The following VEPH1 variants were observed in gnomAD, a reference collection of about 807,000 sequenced individuals.
VEPH1 encodes the protein ventricular zone expressed PH domain containing 1, also known as ventricular zone-expressed PH domain-containing protein homolog 1.
In VEPH1, 80 loss-of-function variants were observed where a neutral mutation model predicts 85.2. The ratio of observed to expected loss-of-function variants is 0.94; its 90% confidence interval spans 0.78 to 1.13. VEPH1 has a LOEUF of 1.13. Among genes scored for constraint, VEPH1 ranks in the 50% most tolerant of loss-of-function variants. The pLI is 0.00. For missense variants in VEPH1, 955 were observed against 980.5 expected, an observed-to-expected ratio of 0.97 and a Z score of 0.35; for synonymous variants, 297 against 348.0, an observed-to-expected ratio of 0.85 and a Z score of 1.63.
intron 4 of VEPH1, chr3:157,442,442 G>A: frequency 6.2e-7 from 1 of 1,614,182 alleles, no homozygotes; most frequent in African/African-American, 1.3e-5. Flanking sequence ...GACCAATGAG[G>A]CTTGAGTCTT....
Position 157,442,702 on chromosome 3 carries a change from C to T in VEPH1, c.530-14214G>A, listed in dbSNP as rs35415718. 9,890 of 1,614,118 alleles carry T rather than the reference C, an allele frequency of 6.1e-3. 504 individuals carry two copies. In the African/African-American group the frequency reaches 0.11, roughly 18 times the overall value. ...TCCTTGTGGGTAAATGGTGAACTGG[C>T]GGCTACCACTGTTGAGATGGCCACA... On this transcript the variant is annotated intron_variant, in intron 4 of 13. Transcript: ENST00000362010.
At chr3:157,316,993 A>G (rs1720819344) in intron 10 of VEPH1, 69 bp downstream of exon 10, 2 of 1,489,020 alleles carry the variant, frequency 1.3e-6, no homozygotes, top group East Asian at 2.3e-5. Flanking sequence ...GAATAATTCA[A>G]TAAAAATGAT....
At chr3:157,496,694 G>C (rs1045151916) in intron 1 of VEPH1, among the ~76,000 whole-genome samples, 2 of 152,210 alleles carry the variant, frequency 1.3e-5, no homozygotes, top group Non-Finnish European at 2.9e-5. Flanking sequence ...AGCTATTGTT[G>C]TGAGAGCACC....
chr3:157,338,784 C>T (rs1723217562), intron 9 of VEPH1, among the ~76,000 whole-genome samples: 1 of 152,184 alleles, frequency 6.6e-6, no homozygotes, highest in Non-Finnish European at 1.5e-5. Flanking sequence ...GATTGTGATT[C>T]AGTCACAAGC....
At chr3:157,427,959 A>T (rs1732871261) in intron 5 of VEPH1, among the ~76,000 whole-genome samples, 2 of 152,180 alleles carry the variant, frequency 1.3e-5, no homozygotes, top group African/African-American at 4.8e-5. Flanking sequence ...AAAAAGGTGG[A>T]GGAAGGGAGA....
intron 1 of VEPH1, among the ~76,000 whole-genome samples, chr3:157,498,946 C>T (rs1225862865): frequency 6.6e-6 from 1 of 152,190 alleles, no homozygotes; most frequent in Admixed American, 6.5e-5. Flanking sequence ...ACTCAAAATA[C>T]TTTCTACACA....
chr3:157,427,312 G>T (rs932216590), intron 5 of VEPH1, among the ~76,000 whole-genome samples: 1 of 151,984 alleles, frequency 6.6e-6, no homozygotes, highest in African/African-American at 2.4e-5. Context: ...TAGAGACAGG[G>T]TTTCACCATC....
At chr3:157,437,190 A>G in intron 4 of VEPH1, 1 of 1,286,052 alleles carries the variant, frequency 7.8e-7, no homozygotes, top group South Asian at 1.3e-5. Flanking sequence ...TGCAAAAGTG[A>G]GAAGCACTTG....
At chr3:157,380,115 T>C (rs1412279046) in intron 7 of VEPH1, among the ~76,000 whole-genome samples, 1 of 152,212 alleles carries the variant, frequency 6.6e-6, no homozygotes, top group Non-Finnish European at 1.5e-5. Context: ...AGTTTGTGCA[T>C]TGTGTCCACT....
At chr3:157,418,041 C>T (rs561208612) in intron 5 of VEPH1, among the ~76,000 whole-genome samples, 1 of 152,290 alleles carries the variant, frequency 6.6e-6, no homozygotes, top group African/African-American at 2.4e-5. Flanking sequence ...ATGGGGTCAA[C>T]TGTCGGCATG....
intron 5 of VEPH1, among the ~76,000 whole-genome samples, chr3:157,427,249 G>A (rs1448386731): frequency 6.6e-6 from 1 of 152,170 alleles, no homozygotes; most frequent in African/African-American, 2.4e-5. Flanking sequence ...CTCCCAAAGT[G>A]CTGGGATTAC....
intron 13 of VEPH1, among the ~76,000 whole-genome samples, chr3:157,261,832 A>G (rs538473169): frequency 6.6e-6 from 1 of 152,290 alleles, no homozygotes; most frequent in African/African-American, 2.4e-5. Context: ...ACTGTTTTTG[A>G]AACTCTCTGC....
At chr3:157,490,338 G>A (rs1023870837) in intron 2 of VEPH1, among the ~76,000 whole-genome samples, 1 of 151,830 alleles carries the variant, frequency 6.6e-6, no homozygotes, top group African/African-American at 2.4e-5. Context: ...TATGCAACCT[G>A]CATAGGTGAC....
At chr3:157,368,419 G>A (rs1265950623) in intron 7 of VEPH1, among the ~76,000 whole-genome samples, 1 of 152,146 alleles carries the variant, frequency 6.6e-6, no homozygotes, top group Admixed American at 6.5e-5. Context: ...TCAAGGGTAA[G>A]GATTCTCAGT....
At chr3:157,341,553 T>C (rs1337737812) in intron 9 of VEPH1, among the ~76,000 whole-genome samples, 2 of 94,166 alleles carry the variant, frequency 2.1e-5, no homozygotes, top group African/African-American at 5.8e-5. Context: ...GTCTGATTGG[T>C]GTACCTGAAA....
chr3:157,418,991 G>A (rs1487573032), intron 5 of VEPH1, among the ~76,000 whole-genome samples: 1 of 151,986 alleles, frequency 6.6e-6, no homozygotes, highest in African/African-American at 2.4e-5. Flanking sequence ...ACACATAGAC[G>A]AATGGAACAG....
In VEPH1 at chr3:157,362,758, A is replaced by G. The variant is rs570077766; in HGVS notation, c.1735+606T>C. On this transcript the variant is annotated intron_variant, in intron 9 of 13. Coordinates refer to ENST00000362010, the MANE Select transcript of VEPH1 (RefSeq NM_001167912.2). ...TAAGTGTTCTGGGCATGTTTAACGT[A>G]AGCTAGGCTAAGCTGTAATGTTTGG... is the stretch of plus-strand genomic sequence containing the variant. Among the ~76,000 whole-genome samples the G allele has an allele frequency of 3.3e-5, 5 of 152,324 alleles. No individual in the cohort carries two copies. The South Asian group carries it at 8.3e-4, about 25-fold the overall frequency.
At chr3:157,346,826 A>T (rs1245150118) in intron 9 of VEPH1, among the ~76,000 whole-genome samples, 3 of 152,092 alleles carry the variant, frequency 2.0e-5, no homozygotes, top group Non-Finnish European at 4.4e-5. Context: ...GTGTTGCCCA[A>T]GCTGATCTAG....
At chr3:157,420,877 G>A (rs1352884108) in intron 5 of VEPH1, among the ~76,000 whole-genome samples, 1 of 152,188 alleles carries the variant, frequency 6.6e-6, no homozygotes, top group African/African-American at 2.4e-5. Context: ...GATAACAACA[G>A]ATATGCTTAT....
Sources: gnomAD v4.1 joint callset for allele counts (sites outside exome capture counted in the v4.1 genomes callset) on GRCh38, gnomAD v4.1.1 for gene constraint, MANE v1.5 for transcripts, NCBI Gene and HGNC (gene_info 2026-07-23, HGNC 2026-07-21) for gene names.